The following SULT2B1 variants were observed in gnomAD, a reference collection of about 807,000 sequenced individuals.
SULT2B1 encodes sulfotransferase 2B1.
In SULT2B1, 16 loss-of-function variants were observed where a neutral mutation model predicts 33.2. That is an observed-to-expected ratio of 0.48 (90% CI 0.33 to 0.73). The LOEUF (loss-of-function observed/expected upper bound fraction) is 0.73, where lower values mean the gene tolerates loss of function less well. SULT2B1 is among the 30% of genes least tolerant of loss of function. The pLI is 0.02. For missense variants in SULT2B1, 500 were observed against 506.0 expected (o/e 0.99, Z 0.11); for synonymous variants, 186 against 200.5 (o/e 0.93, Z 0.61).
intron 2 of SULT2B1, among the ~76,000 whole-genome samples, chr19:48,581,763 T>A (rs1015773688): frequency 6.6e-5 from 10 of 150,924 alleles, no homozygotes; most frequent in Non-Finnish European, 1.2e-4. Flanking sequence ...GGCCGAGAGT[T>A]CTTTATATGA....
intron 2 of SULT2B1, among the ~76,000 whole-genome samples, chr19:48,585,048 CAAAAAAAA>C (rs57540837): frequency 6.4e-5 from 4 of 62,226 alleles, no homozygotes; most frequent in Middle Eastern, 0.012. Context: ...GACTCCTTCT[CAAAAAAAA>C]AAAAAAAAAA....
In SULT2B1 at chr19:48,587,395, C is replaced by T; in HGVS notation, c.381C>T (p.Pro127=). The change falls in exon 3 of 7, where the codon CCC becomes CCT. Residue 127 remains proline, a synonymous_variant. Coordinates refer to ENST00000201586, the MANE Select transcript of SULT2B1 (RefSeq NM_177973.2). ...YSPRLMSSHL[P]IQIFTKAFFS... is the part of the protein sequence containing the mutation. ...CCCGCCTCATGAGCTCCCATCTTCC[C>T]ATCCAGATCTTCACCAAGGCCTTCT... The T allele has an allele frequency of 6.2e-7, 1 of 1,614,142 alleles. No homozygotes were observed. Among genetic ancestry groups the T allele is most frequent in the Non-Finnish European group, 8.5e-7 (1 of 1,180,026 alleles).
rs28370904 is a variant in SULT2B1 at position 48,552,966 on chromosome 19, G to A, written c.71+643G>A. 6.9e-3 allele frequency among the ~76,000 whole-genome samples: 1,057 copies of A among 152,244 alleles called. 24 individuals are homozygous for A. Among genetic ancestry groups the A allele is most frequent in the African/African-American group, 0.024 (1,011 of 41,534 alleles). ...CAGATGGGGAAACTGAGGCTGGGAGGGAACGCGACATGACCGCAATTACGC... is the reference window on the plus strand; with the variant it reads ...CAGATGGGGAAACTGAGGCTGGGAGAGAACGCGACATGACCGCAATTACGC... On this transcript the variant is annotated intron_variant, in intron 1 of 6. Coordinates refer to ENST00000201586, the MANE Select transcript of SULT2B1 (RefSeq NM_177973.2). The surrounding 1 kb of genome is among the most constrained non-coding windows in gnomAD (Gnocchi z 4.8).
intron 1 of SULT2B1, among the ~76,000 whole-genome samples, chr19:48,559,116 C>A (rs1973142082): frequency 6.6e-6 from 1 of 152,174 alleles, no homozygotes; most frequent in African/African-American, 2.4e-5. Flanking sequence ...CCAGCACTAG[C>A]GGATGCGGGG....
At chr19:48,594,334 C>A (rs185829303) in intron 5 of SULT2B1, among the ~76,000 whole-genome samples, 170 of 152,288 alleles carry the variant, frequency 1.1e-3, no homozygotes, top group Non-Finnish European at 1.8e-3. Flanking sequence ...CCTATTTTAT[C>A]GACGAGGAAA....
chr19:48,595,734 C>G (rs1411965246), intron 5 of SULT2B1: 2 of 138,986 alleles, frequency 1.4e-5, no homozygotes, highest in African/African-American at 2.8e-5. Context: ...GTGGTGAGAT[C>G]TCGGCTCACT....
At chr19:48,554,622 G>GCCCCCCCCCC in intron 1 of SULT2B1, among the ~76,000 whole-genome samples, 1 of 18,706 alleles carries the variant, frequency 5.3e-5, no homozygotes, top group East Asian at 1.2e-3. Flanking sequence ...CGCCCCCCCA[G>GCCCCCCCCCC]CCTCCTCACC....
chr19:48,596,454 GGCTGTGACCTCTGCCCCCT>G (rs1258922898), intron 5 of SULT2B1: 2,757 of 207,820 alleles, frequency 0.013, 6 homozygotes, highest in East Asian at 0.043. Flanking sequence ...CTCTGCCCCC[GGCTGTGACCTCTGCCCCCT>G]GCTGTGACCT....
chr19:48,558,022 C>T (rs1179717728), intron 1 of SULT2B1, among the ~76,000 whole-genome samples: 1 of 152,204 alleles, frequency 6.6e-6, no homozygotes, highest in African/African-American at 2.4e-5. Context: ...AGTAGGCTGA[C>T]AAGCCCAGGA....
chr19:48,552,258 C>A lies in SULT2B1; in HGVS notation c.6C>A (p.Asp2Glu). M[D>E]GPAEPQIPGL... Reference sequence around the variant, plus strand: ...CCCACCCTCACCCACCTGCCATGGACGGGCCCGCCGAGCCCCAGATCCCGG... The same window carrying A: ...CCCACCCTCACCCACCTGCCATGGAAGGGCCCGCCGAGCCCCAGATCCCGG... The change falls in exon 1 of 7, where the codon GAC (aspartate) becomes GAA (glutamate). Residue 2 changes from aspartate (D) to glutamate (E), a missense_variant. By Grantham distance (45) the Asp-to-Glu change is conservative. Transcript: ENST00000201586. This position sits in a 1 kb window ranked among gnomAD's most constrained non-coding sequence, Gnocchi z 4.8. 1 of 1,613,676 alleles carries A rather than the reference C, an allele frequency of 6.2e-7. No individual in the cohort carries two copies.
chr19:48,562,374 G>A (rs906566507), intron 1 of SULT2B1, among the ~76,000 whole-genome samples: 2 of 150,040 alleles, frequency 1.3e-5, no homozygotes, highest in South Asian at 2.1e-4. Context: ...CAACAAGAGC[G>A]AAACTCTGTC....
At chr19:48,594,167 A>G (rs1224519497) in intron 5 of SULT2B1, among the ~76,000 whole-genome samples, 1 of 151,966 alleles carries the variant, frequency 6.6e-6, no homozygotes, top group Non-Finnish European at 1.5e-5. Flanking sequence ...AGGCTGAGGC[A>G]GGAGAATCGC....
intron 1 of SULT2B1, among the ~76,000 whole-genome samples, chr19:48,572,606 G>T (rs368711548): frequency 3.3e-5 from 5 of 152,276 alleles, no homozygotes; most frequent in African/African-American, 1.2e-4. Flanking sequence ...AAATGGGCGT[G>T]CCTGGAGCTG....
intron 1 of SULT2B1, among the ~76,000 whole-genome samples, chr19:48,555,747 G>GTT (rs368424505): frequency 1.3e-5 from 2 of 149,714 alleles, no homozygotes; most frequent in African/African-American, 4.9e-5. Context: ...GCTAATTTTT[G>GTT]TTTTTTTTTG....
intron 1 of SULT2B1, among the ~76,000 whole-genome samples, chr19:48,566,172 C>T (rs2147602919): frequency 6.6e-6 from 1 of 152,214 alleles, no homozygotes; most frequent in East Asian, 1.9e-4. Context: ...GATCTGCCTG[C>T]CTTGGCCTCC....
intron 6 of SULT2B1, among the ~76,000 whole-genome samples, chr19:48,598,003 C>T (rs150523136): frequency 3.9e-5 from 6 of 152,266 alleles, no homozygotes; most frequent in Non-Finnish European, 8.8e-5. Context: ...ACTGAGCCCA[C>T]CCAGATACTT....
At chr19:48,577,352 CTTTTT>C (rs1209521675) in intron 2 of SULT2B1, among the ~76,000 whole-genome samples, 13 of 30,636 alleles carry the variant, frequency 4.2e-4, no homozygotes, top group Non-Finnish European at 6.8e-4. Context: ...ACTGAGCCGT[CTTTTT>C]TTTTTTTTTT....
At chr19:48,578,693 A>G (rs1279525517) in intron 2 of SULT2B1, among the ~76,000 whole-genome samples, 4 of 151,982 alleles carry the variant, frequency 2.6e-5, no homozygotes, top group Non-Finnish European at 5.9e-5. Context: ...TCTGGCCAAC[A>G]TGGTGAAACC....
intron 2 of SULT2B1, among the ~76,000 whole-genome samples, chr19:48,577,351 TC>T (rs1184681792): frequency 1.8e-5 from 2 of 112,330 alleles, no homozygotes; most frequent in African/African-American, 6.8e-5. Context: ...CACTGAGCCG[TC>T]TTTTTTTTTT....
Sources: gnomAD v4.1 joint callset for allele counts (sites outside exome capture counted in the v4.1 genomes callset) on GRCh38, gnomAD v4.1.1 for gene constraint, Gnocchi (gnomAD v3.1) non-coding constraint, MANE v1.5 for transcripts, NCBI Gene and HGNC (gene_info 2026-07-23, HGNC 2026-07-21) for gene names.